The following RBFOX1 variants were observed in gnomAD, a reference collection of about 807,000 sequenced individuals.
The protein encoded by RBFOX1 is RNA binding fox-1 homolog 1.
RBFOX1 carries 8 observed loss-of-function variants against 57.7 expected under a neutral mutation model. The ratio of observed to expected loss-of-function variants is 0.14; its 90% CI spans 0.08 to 0.25. The LOEUF (loss-of-function observed/expected upper bound fraction) is 0.25, where lower values mean the gene tolerates loss of function less well. Among genes scored for constraint, RBFOX1 ranks in the 10% least tolerant of loss-of-function variants. The pLI is 1.00. For missense variants in RBFOX1, 611 were observed against 548.5 expected, an observed-to-expected ratio of 1.11 and a Z score of -1.14; for synonymous variants, 326 against 222.4, an observed-to-expected ratio of 1.47 and a Z score of -4.15.
At chr16:6,323,554 C>G (rs1309182048) in intron 2 of RBFOX1, among the ~76,000 whole-genome samples, 1 of 152,168 alleles carries the variant, frequency 6.6e-6, no homozygotes, top group Admixed American at 6.5e-5. Context: ...TTTGTACTTT[C>G]AAATTATTCT....
At chr16:6,927,793 C>G (rs2075867827) in intron 3 of RBFOX1, among the ~76,000 whole-genome samples, 1 of 152,110 alleles carries the variant, frequency 6.6e-6, no homozygotes, top group Non-Finnish European at 1.5e-5. Flanking sequence ...TTGAATTAAG[C>G]CACCACCCTA....
At chr16:7,052,007 T>C in intron 3 of RBFOX1, 50 bp from the exon 4 acceptor site, 1 of 1,593,132 alleles carries the variant, frequency 6.3e-7, no homozygotes, top group Non-Finnish European at 8.5e-7. Flanking sequence ...TTCATGTTTT[T>C]CTGATCCGGA....
At chr16:7,439,305 C>T (rs1167721827) in intron 4 of RBFOX1, among the ~76,000 whole-genome samples, 1 of 151,832 alleles carries the variant, frequency 6.6e-6, no homozygotes, top group Non-Finnish European at 1.5e-5. Flanking sequence ...ACCTTCATGT[C>T]CCTCTTTTCA....
intron 2 of RBFOX1, among the ~76,000 whole-genome samples, chr16:6,613,619 A>G (rs766880277): frequency 1.3e-5 from 2 of 152,044 alleles, no homozygotes; most frequent in Non-Finnish European, 2.9e-5. Context: ...GAAGATGCCC[A>G]TGTTTTATTC....
chr16:6,328,497 C>T (rs934046112), intron 2 of RBFOX1, among the ~76,000 whole-genome samples: 2 of 152,058 alleles, frequency 1.3e-5, no homozygotes, highest in African/African-American at 4.8e-5. Flanking sequence ...GGTGTATATG[C>T]TCAATAGACC....
intron 3 of RBFOX1, among the ~76,000 whole-genome samples, chr16:5,644,246 T>C (rs965916577): frequency 3.3e-5 from 5 of 152,192 alleles, no homozygotes; most frequent in Admixed American, 2.0e-4. Flanking sequence ...TCTAATTAAA[T>C]AGGTTAAGGC....
At chr16:6,904,970 C>T (rs182518768) in intron 3 of RBFOX1, among the ~76,000 whole-genome samples, 1 of 152,096 alleles carries the variant, frequency 6.6e-6, no homozygotes, top group African/African-American at 2.4e-5. Flanking sequence ...ATGAAGCCTC[C>T]CTGGCAGCCA....
chr16:5,787,610 G>T (rs2054547759), intron 3 of RBFOX1, among the ~76,000 whole-genome samples: 1 of 152,222 alleles, frequency 6.6e-6, no homozygotes. Flanking sequence ...GAATGCTGAA[G>T]AGGAGGAATG....
chr16:5,548,172 A>AT (rs1442260697), intron 2 of RBFOX1, among the ~76,000 whole-genome samples: 587 of 27,938 alleles, frequency 0.021, no homozygotes, highest in Middle Eastern at 0.083. Flanking sequence ...AAAAAAAAAA[A>AT]AAATATATAT....
chr16:5,653,217 G>A (rs1371330339), intron 3 of RBFOX1, among the ~76,000 whole-genome samples: 3 of 150,080 alleles, frequency 2.0e-5, no homozygotes, highest in Admixed American at 2.0e-4. Flanking sequence ...GCCATGTGCT[G>A]GGTTTCTGTG....
At chr16:5,944,929 G>T (rs1281062935) in intron 4 of RBFOX1, among the ~76,000 whole-genome samples, 1 of 128,196 alleles carries the variant, frequency 7.8e-6, no homozygotes, top group Admixed American at 9.7e-5. Flanking sequence ...TTGCGCCACT[G>T]CACTCCAGCC....
intron 4 of RBFOX1, among the ~76,000 whole-genome samples, chr16:5,993,338 T>C (rs1376402813): frequency 9.6e-6 from 1 of 104,520 alleles, no homozygotes; most frequent in Non-Finnish European, 1.9e-5. Context: ...GATAATGCTG[T>C]ACGTGTGTGT....
At chr16:5,654,513 C>G (rs1419624083) in intron 3 of RBFOX1, among the ~76,000 whole-genome samples, 1 of 152,160 alleles carries the variant, frequency 6.6e-6, no homozygotes, top group Non-Finnish European at 1.5e-5. Context: ...TTTCTTCTCT[C>G]ATTCAGAATC....
intron 14 of RBFOX1, among the ~76,000 whole-genome samples, chr16:7,703,087 A>G (rs919218311): frequency 6.6e-6 from 1 of 150,474 alleles, no homozygotes; most frequent in African/African-American, 2.4e-5. Context: ...GGCTCTCTAA[A>G]GAGCATGCTT....
At chr16:5,304,083 A>C (rs2063872075) in intron 1 of RBFOX1, among the ~76,000 whole-genome samples, 2 of 152,176 alleles carry the variant, frequency 1.3e-5, no homozygotes, top group Admixed American at 6.5e-5. Context: ...CTTCTGACAA[A>C]TCTCCAAAGG....
intron 14 of RBFOX1, among the ~76,000 whole-genome samples, chr16:7,691,953 C>T (rs2077444092): frequency 1.3e-5 from 2 of 152,124 alleles, no homozygotes; most frequent in Non-Finnish European, 2.9e-5. Flanking sequence ...TTGTGCAGCC[C>T]AGAATATCAT....
intron 3 of RBFOX1, among the ~76,000 whole-genome samples, chr16:5,754,260 C>G (rs898175499): frequency 6.6e-6 from 1 of 152,192 alleles, no homozygotes; most frequent in African/African-American, 2.4e-5. Context: ...TCCCTGTAAG[C>G]GTCTTGGGAG....
chr16:6,803,819 GC>G (rs1425683031), intron 3 of RBFOX1, among the ~76,000 whole-genome samples: 3 of 152,112 alleles, frequency 2.0e-5, no homozygotes, highest in African/African-American at 7.2e-5. Context: ...AGATTCACAG[GC>G]TACATTTCTA....
intron 14 of RBFOX1, among the ~76,000 whole-genome samples, chr16:7,697,192 G>C (rs1311807093): frequency 6.6e-6 from 1 of 152,152 alleles, no homozygotes; most frequent in Non-Finnish European, 1.5e-5. Flanking sequence ...TCCAGAGAGG[G>C]GTGACAATGG....
Sources: gnomAD v4.1 joint callset for allele counts (sites outside exome capture counted in the v4.1 genomes callset) on GRCh38, gnomAD v4.1.1 for gene constraint, MANE v1.5 for transcripts, NCBI Gene and HGNC (gene_info 2026-07-23, HGNC 2026-07-21) for gene names.